Variants in TMCC3 observed in about 807,000 individuals in gnomAD.
TMCC3 encodes the protein transmembrane and coiled-coil domain family 3.
In TMCC3, 28 loss-of-function variants were observed where a neutral mutation model predicts 40.2. The observed-to-expected ratio is 0.70, with a 90% CI of 0.52 to 0.95. The LOEUF (loss-of-function observed/expected upper bound fraction) is 0.95, where lower values mean the gene tolerates loss of function less well. Ranked by LOEUF, TMCC3 falls within the 40% of genes least tolerant of loss-of-function variation. The probability of loss-of-function intolerance (pLI) is 0.00; values close to 1 mark genes in which losing one functional copy is unlikely to be tolerated. For synonymous variants in TMCC3, 255 were observed against 248.5 expected (o/e 1.03, Z -0.25); for missense variants, 554 against 615.2 (o/e 0.90, Z 1.05).
At chr12:94,632,925 G>A (rs1042006988) in intron 1 of TMCC3, among the ~76,000 whole-genome samples, 7 of 152,100 alleles carry the variant, frequency 4.6e-5, no homozygotes, top group African/African-American at 1.7e-4. Flanking sequence ...TGGCCAACAG[G>A]GTGAAACGCC....
At position 94,582,447 on chromosome 12, in the gene TMCC3, C is replaced by A; in HGVS notation, c.170G>T (p.Gly57Val). The A allele has an allele frequency of 6.2e-7, 1 of 1,613,808 alleles. No individual in the cohort carries two copies. The highest frequency in any genetic ancestry group is 8.5e-7 in the Non-Finnish European group (1 of 1,179,906). ...DTNLNFDVPDGILDFHKVKLT... is the reference protein window; with the variant it reads ...DTNLNFDVPDVILDFHKVKLT... ...TTTGACCTTGTGGAAGTCCAGGATGCCATCCGGGACATCAAAGTTGAGGTT... is the reference window on the plus strand; with the variant it reads ...TTTGACCTTGTGGAAGTCCAGGATGACATCCGGGACATCAAAGTTGAGGTT... The change falls in exon 2 of 4, where the codon GGC (glycine) becomes GTC (valine). Residue 57 changes from glycine (G) to valine (V), a missense_variant. Coordinates refer to ENST00000261226, the MANE Select transcript of TMCC3 (RefSeq NM_020698.4).
chr12:94,593,399 A>AG (rs2068693065), intron 1 of TMCC3, among the ~76,000 whole-genome samples: 2 of 54,400 alleles, frequency 3.7e-5, no homozygotes, highest in African/African-American at 1.4e-4. Flanking sequence ...AGAAAGAAGA[A>AG]AGAAGAAGAA....
At chr12:94,589,266 T>C (rs1553295) in intron 1 of TMCC3, among the ~76,000 whole-genome samples, 83,594 of 152,042 alleles carry the variant, frequency 0.55, 23,105 homozygotes, top group Admixed American at 0.59. Context: ...GCTGCTCCTA[T>C]GATATGCCAC....
intron 1 of TMCC3, chr12:94,609,876 T>C (rs1022192874): frequency 6.6e-6 from 1 of 152,150 alleles, no homozygotes; most frequent in African/African-American, 2.4e-5. Context: ...TAGATGAGGA[T>C]ACTTATCTTC....
chr12:94,583,077 T>C (rs775296164), intron 1 of TMCC3, among the ~76,000 whole-genome samples: 1 of 148,358 alleles, frequency 6.7e-6, no homozygotes, highest in Non-Finnish European at 1.5e-5. Context: ...CTTAATGGAA[T>C]CATTAAATAG....
rs1004548845 is a variant in TMCC3 at position 94,647,353 on chromosome 12, C to T, written c.78+3000G>A. Among the ~76,000 whole-genome samples the T allele has an allele frequency of 3.9e-5, 6 of 152,116 alleles. No individual in the cohort carries two copies. In the South Asian group the frequency reaches 6.2e-4, roughly 16 times the overall value. ...CTGCAATGTTGAAAGAGTACACTGC[C>T]TCATTATTATTCCAGTCTCAAAGGC... is the stretch of plus-strand genomic sequence containing the variant. On this transcript the variant is annotated intron_variant, in intron 1 of 3. Transcript: ENST00000261226.
intron 1 of TMCC3, among the ~76,000 whole-genome samples, chr12:94,642,513 T>C (rs1222044716): frequency 6.6e-6 from 1 of 152,232 alleles, no homozygotes; most frequent in African/African-American, 2.4e-5. Flanking sequence ...CTCGAATGCC[T>C]TTAAGACCTG....
intron 1 of TMCC3, 141 bp from the exon 2 acceptor site, chr12:94,582,679 T>G (rs2068612480): frequency 1.4e-6 from 1 of 732,068 alleles, no homozygotes; most frequent in Non-Finnish European, 2.2e-6. Flanking sequence ...ATCCCCCTGC[T>G]GTCCCCTCCA....
At chr12:94,601,880 T>C (rs961932727) in intron 1 of TMCC3, among the ~76,000 whole-genome samples, 19 of 150,146 alleles carry the variant, frequency 1.3e-4, no homozygotes, top group Non-Finnish European at 1.9e-4. Flanking sequence ...TATCACTTAC[T>C]TTTAACAGGT....
intron 1 of TMCC3, among the ~76,000 whole-genome samples, chr12:94,636,282 T>TCAAGA (rs2068960562): frequency 1.3e-5 from 2 of 152,218 alleles, no homozygotes; most frequent in Non-Finnish European, 2.9e-5. Flanking sequence ...TAGGAGAACA[T>TCAAGA]GGGCATGTGG....
chr12:94,632,976 C>T lies in TMCC3; in HGVS notation c.78+17377G>A, dbSNP rs192857769. ...GCAAAATTCGCTGGGCATGGTGGTG[C>T]GCACCTGCAGTCCTCGTTACTTGGG... On this transcript the variant is annotated intron_variant, in intron 1 of 3. Coordinates refer to ENST00000261226, the MANE Select transcript of TMCC3 (RefSeq NM_020698.4). Among the ~76,000 whole-genome samples the T allele has an allele frequency of 1.1e-4, 17 of 152,166 alleles. No homozygotes were observed. The South Asian group carries it at 3.1e-3, about 28-fold the overall frequency.
intron 1 of TMCC3, among the ~76,000 whole-genome samples, chr12:94,632,267 G>C (rs967598071): frequency 6.6e-6 from 1 of 152,190 alleles, no homozygotes; most frequent in Non-Finnish European, 1.5e-5. Flanking sequence ...ATAGGACTGT[G>C]CACTTAAAGC....
At chr12:94,600,796 CT>C (rs2068747776) in intron 1 of TMCC3, among the ~76,000 whole-genome samples, 1 of 152,162 alleles carries the variant, frequency 6.6e-6, no homozygotes, top group South Asian at 2.1e-4. Flanking sequence ...CTTATATATA[CT>C]GTTAGGTGGG....
At chr12:94,619,933 G>A (rs995406098) in intron 1 of TMCC3, among the ~76,000 whole-genome samples, 1 of 152,156 alleles carries the variant, frequency 6.6e-6, no homozygotes, top group Admixed American at 6.5e-5. Flanking sequence ...GGAGGCCGAG[G>A]CAGGTGGATA....
chr12:94,606,891 A>T (rs1276891319), intron 1 of TMCC3, among the ~76,000 whole-genome samples: 3 of 152,214 alleles, frequency 2.0e-5, no homozygotes, highest in Non-Finnish European at 4.4e-5. Context: ...CTTGATAAAC[A>T]TCTTAACAGG....
chr12:94,635,670 T>G (rs1189763918), intron 1 of TMCC3, among the ~76,000 whole-genome samples: 5 of 143,090 alleles, frequency 3.5e-5, no homozygotes, highest in East Asian at 4.0e-4. Flanking sequence ...GTTTTTTTTT[T>G]TTTTTTTTTT....
At chr12:94,602,749 A>C (rs1192007406) in intron 1 of TMCC3, among the ~76,000 whole-genome samples, 1 of 152,154 alleles carries the variant, frequency 6.6e-6, no homozygotes, top group Non-Finnish European at 1.5e-5. Flanking sequence ...CATCATGCCC[A>C]GGTGGATTTC....
At chr12:94,621,355 T>G (rs1566331239) in intron 1 of TMCC3, among the ~76,000 whole-genome samples, 1 of 152,196 alleles carries the variant, frequency 6.6e-6, no homozygotes. Context: ...TTGGGGCTGG[T>G]GTTTCTCAAG....
At chr12:94,578,163 A>AG (rs1566313847) in intron 3 of TMCC3, among the ~76,000 whole-genome samples, 2 of 149,702 alleles carry the variant, frequency 1.3e-5, no homozygotes, top group South Asian at 2.1e-4. Context: ...AAAAAAAAAA[A>AG]AAAAAGAAAA....
Sources: allele counts gnomAD v4.1 joint callset (sites outside exome capture counted in the v4.1 genomes callset), GRCh38; gene constraint gnomAD v4.1.1; transcripts MANE v1.5; gene names NCBI Gene and HGNC (gene_info 2026-07-23, HGNC 2026-07-21).